PARD3B: variants seen among roughly 807,000 people sequenced by gnomAD.
The protein encoded by PARD3B is partitioning defective 3 homolog B.
A neutral mutation model predicts 130.2 loss-of-function variants in PARD3B; 103 were observed. The ratio of observed to expected loss-of-function variants is 0.79; its 90% CI spans 0.67 to 0.93. The LOEUF is 0.93. Among genes scored for constraint, PARD3B ranks in the 40% least tolerant of loss-of-function variants. The probability of loss-of-function intolerance (pLI) is 0.00; values close to 1 mark genes in which losing one functional copy is unlikely to be tolerated. For missense variants in PARD3B, 1,609 were observed against 1,499.2 expected, an observed-to-expected ratio of 1.07 and a Z score of -1.21; for synonymous variants, 583 against 553.2, an observed-to-expected ratio of 1.05 and a Z score of -0.76.
Position 205,121,568 on chromosome 2 carries a change from A to T in PARD3B, c.807-23A>T. 1.3e-6 allele frequency: 2 copies of T among 1,599,802 alleles called. No individual in the cohort carries two copies. The highest frequency in any genetic ancestry group is 8.6e-7 in the Non-Finnish European group (1 of 1,168,968). ...CTGCACCTCAAAGCAGGGTCATCAT[A>T]CATTTATCAACTTTCTTTCCAGGGC... On this transcript the variant is annotated intron_variant, in intron 7 of 22. Coordinates refer to ENST00000406610, the MANE Select transcript of PARD3B (RefSeq NM_001302769.2). This position sits in a 1 kb window ranked among gnomAD's most constrained non-coding sequence, Gnocchi z 5.0.
chr2:204,643,267 G>A (rs547525771), intron 1 of PARD3B, among the ~76,000 whole-genome samples: 37 of 151,810 alleles, frequency 2.4e-4, no homozygotes, highest in Non-Finnish European at 4.9e-4. Flanking sequence ...TGTACAGTCC[G>A]TGGATCTGTG....
chr2:205,605,362 G>A (rs555528369), intron 22 of PARD3B, among the ~76,000 whole-genome samples: 3 of 152,254 alleles, frequency 2.0e-5, no homozygotes, highest in African/African-American at 7.2e-5. Context: ...ATCTAGCTTC[G>A]ATCTTTGAGG....
intron 20 of PARD3B, among the ~76,000 whole-genome samples, chr2:205,456,706 AT>A (rs2048287922): frequency 6.6e-6 from 1 of 151,580 alleles, no homozygotes; most frequent in Non-Finnish European, 1.5e-5. Context: ...CTTTTCAAAC[AT>A]TGAACCTGCC....
intron 3 of PARD3B, among the ~76,000 whole-genome samples, chr2:204,972,369 T>G (rs372069730): frequency 6.6e-5 from 10 of 152,166 alleles, no homozygotes; most frequent in Admixed American, 3.9e-4. Context: ...AATTATATAG[T>G]GTTACACTTC....
At chr2:204,567,175 C>T (rs559041285) in intron 1 of PARD3B, among the ~76,000 whole-genome samples, 6 of 152,306 alleles carry the variant, frequency 3.9e-5, no homozygotes, top group Admixed American at 3.9e-4. Context: ...CCACTGTGCC[C>T]AGGCTCTAAT....
At chr2:205,307,080 A>C (rs1158313404) in intron 18 of PARD3B, among the ~76,000 whole-genome samples, 1 of 152,194 alleles carries the variant, frequency 6.6e-6, no homozygotes, top group East Asian at 1.9e-4. Flanking sequence ...TGAAGATTTA[A>C]ATCCTGCCTC....
At chr2:205,605,996 AG>A (rs2054979541) in intron 22 of PARD3B, among the ~76,000 whole-genome samples, 1 of 152,098 alleles carries the variant, frequency 6.6e-6, no homozygotes, top group Non-Finnish European at 1.5e-5. Context: ...GGGATGGATC[AG>A]GGTCCAGCCT....
chr2:205,385,023 G>A (rs1338892273), intron 18 of PARD3B, among the ~76,000 whole-genome samples: 1 of 151,390 alleles, frequency 6.6e-6, no homozygotes, highest in African/African-American at 2.4e-5. Flanking sequence ...CTGTATAATA[G>A]GTATTTGAAA....
At chr2:205,163,987 AAAATGCTATTGAAACTCCTC>A (rs1385871115) in intron 11 of PARD3B, among the ~76,000 whole-genome samples, 1 of 152,236 alleles carries the variant, frequency 6.6e-6, no homozygotes, top group Non-Finnish European at 1.5e-5. Flanking sequence ...TGAGAATGTC[AAAATGCTATTGAAACTCCTC>A]AAATGTAAGA....
At chr2:204,600,631 A>G (rs1356128822) in intron 1 of PARD3B, among the ~76,000 whole-genome samples, 2 of 131,148 alleles carry the variant, frequency 1.5e-5, no homozygotes, top group Non-Finnish European at 3.0e-5. Context: ...TCATAGGGAA[A>G]TTTTTAAATT....
chr2:204,609,867 A>G (rs1426062970), intron 1 of PARD3B, among the ~76,000 whole-genome samples: 1 of 152,216 alleles, frequency 6.6e-6, no homozygotes, highest in Non-Finnish European at 1.5e-5. Flanking sequence ...ATTAGCAGAC[A>G]TTCTCTACAT....
chr2:204,825,744 TC>T (rs1350850955), intron 2 of PARD3B, among the ~76,000 whole-genome samples: 2 of 152,208 alleles, frequency 1.3e-5, no homozygotes, highest in Non-Finnish European at 2.9e-5. Context: ...ACAGTGAGCT[TC>T]AATGGAGCGA....
rs527542513 is a variant in PARD3B, at chr2:205,229,991, C to T, written c.2141-15787C>T. Among the ~76,000 whole-genome samples, 1 of 151,624 alleles carries T rather than the reference C, an allele frequency of 6.6e-6. No homozygotes were observed. The highest frequency in any genetic ancestry group is 2.0e-4 in the East Asian group (1 of 5,084). Reference sequence around the variant, plus strand: ...GCTCATTCCAGGTCTAAGGACTCTTCAGTCAGCTCATGGTGAATGCTGCCA... The same window carrying T: ...GCTCATTCCAGGTCTAAGGACTCTTTAGTCAGCTCATGGTGAATGCTGCCA... On this transcript the variant is annotated intron_variant, in intron 15 of 22. Coordinates refer to ENST00000406610, the MANE Select transcript of PARD3B (RefSeq NM_001302769.2). The surrounding 1 kb of genome is among the most constrained non-coding windows in gnomAD (Gnocchi z 5.2).
chr2:204,799,039 C>T lies in PARD3B; in HGVS notation c.222+112757C>T, dbSNP rs754034711. Among the ~76,000 whole-genome samples, 99 of 152,236 alleles carry T rather than the reference C, an allele frequency of 6.5e-4. 3 individuals are homozygous for T. Among genetic ancestry groups the T allele is most frequent in the Non-Finnish European group, 3.1e-4 (21 of 68,032 alleles). On this transcript the variant is annotated intron_variant, in intron 2 of 22. Coordinates refer to ENST00000406610, the MANE Select transcript of PARD3B (RefSeq NM_001302769.2). The surrounding 1 kb of genome is among the most constrained non-coding windows in gnomAD (Gnocchi z 4.1). ...AGGGGACTTTTCCTTTACTCACCAG[C>T]TCAGCCACAGCGAAGTGGAGCAGCA...
At chr2:204,816,409 A>C (rs1443084925) in intron 2 of PARD3B, among the ~76,000 whole-genome samples, 1 of 151,854 alleles carries the variant, frequency 6.6e-6, no homozygotes, top group Non-Finnish European at 1.5e-5. Context: ...AAGAACTTTA[A>C]CATTTCTTTT....
intron 22 of PARD3B, among the ~76,000 whole-genome samples, chr2:205,601,959 T>C (rs1283410217): frequency 6.6e-6 from 1 of 152,224 alleles, no homozygotes; most frequent in Non-Finnish European, 1.5e-5. Context: ...GTGCCAGTTT[T>C]CAAGGGGAAT....
At chr2:205,214,518 A>G (rs1179276396) in intron 15 of PARD3B, among the ~76,000 whole-genome samples, 1 of 152,096 alleles carries the variant, frequency 6.6e-6, no homozygotes, top group Non-Finnish European at 1.5e-5. Context: ...TGACTCAAAG[A>G]AGACAATTGA....
At chr2:204,970,189 A>T (rs1242588445) in intron 3 of PARD3B, among the ~76,000 whole-genome samples, 1 of 152,122 alleles carries the variant, frequency 6.6e-6, no homozygotes, top group Non-Finnish European at 1.5e-5. Flanking sequence ...ACTGTTCCAT[A>T]AGAGGCTTTT....
chr2:205,534,874 A>C (rs1575284764), intron 21 of PARD3B, among the ~76,000 whole-genome samples: 1 of 152,214 alleles, frequency 6.6e-6, no homozygotes, highest in South Asian at 2.1e-4. Flanking sequence ...GCATTGGTCT[A>C]GCTTGCTATG....
Sources: allele counts gnomAD v4.1 joint callset (sites outside exome capture counted in the v4.1 genomes callset), GRCh38; gene constraint gnomAD v4.1.1; non-coding constraint Gnocchi (gnomAD v3.1); transcripts MANE v1.5; gene names NCBI Gene and HGNC (gene_info 2026-07-23, HGNC 2026-07-21).